Variants in PEAK1 observed in about 807,000 individuals in gnomAD.
The protein encoded by PEAK1 is pseudopodium enriched atypical kinase 1.
Under a neutral mutation model 124.7 loss-of-function variants are expected in PEAK1, and 54 were observed. That is an observed-to-expected ratio of 0.43 (90% confidence interval 0.35 to 0.54). The LOEUF (loss-of-function observed/expected upper bound fraction) is 0.54. Ranked by LOEUF, PEAK1 falls within the 20% of genes least tolerant of loss-of-function variation. The probability of loss-of-function intolerance (pLI) is 0.01; values close to 1 mark genes in which losing one functional copy is unlikely to be tolerated. For missense variants in PEAK1, 2,046 were observed against 2,134.5 expected, an observed-to-expected ratio of 0.96 and a Z score of 0.82; for synonymous variants, 719 against 760.0, an observed-to-expected ratio of 0.95 and a Z score of 0.89.
At position 77,133,304 on chromosome 15, in the gene PEAK1, G is replaced by A. The variant is rs2053036628; in HGVS notation, c.3778C>T (p.Pro1260Ser). The change falls in exon 9 of 10, where the codon CCC (proline) becomes TCC (serine). Residue 1260 changes from proline to serine, a missense_variant. Coordinates refer to ENST00000682557, the MANE Select transcript of PEAK1 (RefSeq NM_001385026.1). The surrounding 1 kb of genome is among the most constrained non-coding windows in gnomAD (Gnocchi z 4.2). ...SMESLSSRRG[P>S]SCRQGRGIQK... is the part of the protein sequence containing the mutation. ...ATGCCTCGGCCCTGTCTGCAAGAGGGCCCACGCCGGCTGGAGAGGGATTCC... is the reference window on the plus strand; with the variant it reads ...ATGCCTCGGCCCTGTCTGCAAGAGGACCCACGCCGGCTGGAGAGGGATTCC... 1 of 1,614,208 alleles carries A rather than the reference G, an allele frequency of 6.2e-7. No individual in the cohort carries two copies. Among genetic ancestry groups the A allele is most frequent in the Non-Finnish European group, 8.5e-7 (1 of 1,180,030 alleles).
chr15:77,402,865 C>A (rs1395560963), intron 1 of PEAK1: 1 of 985,090 alleles, frequency 1.0e-6, no homozygotes, highest in Non-Finnish European at 1.2e-6. Flanking sequence ...AATATCTAAA[C>A]TTTCAATTGC....
At chr15:77,253,409 C>A (rs2060976865) in intron 5 of PEAK1, among the ~76,000 whole-genome samples, 1 of 152,094 alleles carries the variant, frequency 6.6e-6, no homozygotes, top group African/African-American at 2.4e-5. Context: ...AAAAAGTCAG[C>A]TTTCTTTTAA....
At chr15:77,364,129 G>T (rs1471104959) in intron 2 of PEAK1, among the ~76,000 whole-genome samples, 1 of 152,164 alleles carries the variant, frequency 6.6e-6, no homozygotes, top group Non-Finnish European at 1.5e-5. Flanking sequence ...AACTCGGGAG[G>T]CAGAGGTTGC....
Position 77,108,326 on chromosome 15 carries a change from G to T in PEAK1, c.*5830C>A, listed in dbSNP as rs956801748. The T allele has an allele frequency of 1.3e-5, 2 of 152,296 alleles. No individual in the cohort carries two copies. Among genetic ancestry groups the T allele is most frequent in the African/African-American group, 4.8e-5 (2 of 41,560 alleles). The allele number at this position is 152,296 out of a possible 1,614,324, so 9.4% of individuals were successfully genotyped here. A position where few individuals can be genotyped will look rare whatever the true frequency, so the allele number is the denominator to read the frequency against. ...TATGTAAGTAGAGGGGTGAAGCTCCGGAAAGAGCAAAAACAAGATTTTCAA... is the reference window on the plus strand; with the variant it reads ...TATGTAAGTAGAGGGGTGAAGCTCCTGAAAGAGCAAAAACAAGATTTTCAA... On this transcript the variant is annotated 3_prime_UTR_variant, in exon 10 of 10. Coordinates refer to ENST00000682557, the MANE Select transcript of PEAK1 (RefSeq NM_001385026.1).
At chr15:77,202,781 T>C (rs1213138059) in intron 6 of PEAK1, among the ~76,000 whole-genome samples, 1 of 134,188 alleles carries the variant, frequency 7.5e-6, no homozygotes, top group Admixed American at 7.3e-5. Flanking sequence ...AAAAAAAAAA[T>C]GAAAATCATC....
intron 5 of PEAK1, among the ~76,000 whole-genome samples, chr15:77,271,673 T>C (rs1170571039): frequency 6.6e-6 from 1 of 152,060 alleles, no homozygotes; most frequent in Non-Finnish European, 1.5e-5. Flanking sequence ...CAGCAAACTA[T>C]CACAAGGACA....
Position 77,179,101 on chromosome 15 carries a change from G to T in PEAK1, c.2826C>A (p.Asp942Glu), listed in dbSNP as rs1299807685. Residue 942 changes from aspartate (D) to glutamate (E), a missense_variant, in exon 7 of 10, where the codon GAC becomes GAA. Physicochemically the swap from Asp to Glu is conservative, Grantham distance 45. Coordinates refer to ENST00000682557, the MANE Select transcript of PEAK1 (RefSeq NM_001385026.1). ...TCCCTTTCTCTCGCTCTTTCTCTTT[G>T]TCATCCTCCTCATCTGTTTTCCGAC... ...FRRRKTDEED[D>E]KEKEREKGKL... 6.2e-7 allele frequency: 1 copy of T among 1,614,024 alleles called. No individual in the cohort carries two copies. The highest frequency in any genetic ancestry group is 8.5e-7 in the Non-Finnish European group (1 of 1,180,044).
chr15:77,179,665 C>G lies in PEAK1; in HGVS notation c.2262G>C (p.Val754=). The G allele has an allele frequency of 6.2e-7, 1 of 1,614,118 alleles. No homozygotes were observed. Reference sequence around the variant, plus strand: ...CTTTCTCTCTGGTGCTGCTGCTGCCCACCATCTGAGACTCCTGAGTGCCTT... The same window carrying G: ...CTTTCTCTCTGGTGCTGCTGCTGCCGACCATCTGAGACTCCTGAGTGCCTT... ...KIEGTQESQM[V]GSSSTREKAS... Residue 754 remains valine, a synonymous_variant, in exon 7 of 10, where the codon GTG becomes GTC. Coordinates refer to ENST00000682557, the MANE Select transcript of PEAK1 (RefSeq NM_001385026.1).
At chr15:77,295,635 A>G (rs1412023783) in intron 2 of PEAK1, among the ~76,000 whole-genome samples, 13 of 152,244 alleles carry the variant, frequency 8.5e-5, no homozygotes, top group Admixed American at 8.5e-4. Context: ...ACTGTAGGCC[A>G]GTAAATTCCA....
At chr15:77,298,968 G>C (rs1384132514) in intron 2 of PEAK1, among the ~76,000 whole-genome samples, 1 of 152,168 alleles carries the variant, frequency 6.6e-6, no homozygotes, top group Admixed American at 6.5e-5. Flanking sequence ...ACAAAGTGGT[G>C]CTAGTTGGCC....
At chr15:77,265,168 G>C (rs1252787071) in intron 5 of PEAK1, among the ~76,000 whole-genome samples, 1 of 151,616 alleles carries the variant, frequency 6.6e-6, no homozygotes, top group Non-Finnish European at 1.5e-5. Context: ...GAAAACCCAG[G>C]CATTACCATT....
chr15:77,257,096 C>T (rs1481860945), intron 5 of PEAK1, among the ~76,000 whole-genome samples: 10 of 152,176 alleles, frequency 6.6e-5, no homozygotes, highest in East Asian at 1.9e-4. Context: ...ATGGTGCATA[C>T]GTGTCACATT....
intron 2 of PEAK1, among the ~76,000 whole-genome samples, chr15:77,323,269 G>A (rs1465347066): frequency 6.6e-6 from 1 of 152,008 alleles, no homozygotes; most frequent in Non-Finnish European, 1.5e-5. Flanking sequence ...CATAGTGTTG[G>A]AAGTTCTGGC....
intron 8 of PEAK1, chr15:77,157,996 T>C (rs1160909376): frequency 1.9e-5 from 3 of 154,202 alleles, no homozygotes; most frequent in Admixed American, 6.4e-5. Flanking sequence ...TGACACTGGC[T>C]AACTCTCCAC....
At chr15:77,176,322 C>CAA (rs34377844) in intron 7 of PEAK1, among the ~76,000 whole-genome samples, 45 of 140,024 alleles carry the variant, frequency 3.2e-4, no homozygotes, top group Middle Eastern at 3.7e-3. Flanking sequence ...TTACATTTTT[C>CAA]AAAAAAAAAA....
At chr15:77,271,069 C>A (rs969836844) in intron 5 of PEAK1, among the ~76,000 whole-genome samples, 3 of 151,978 alleles carry the variant, frequency 2.0e-5, no homozygotes, top group African/African-American at 7.3e-5. Context: ...ACAATGAACT[C>A]AAACAAATTT....
In PEAK1 at chr15:77,379,511, T is replaced by C. The variant is rs79840939; in HGVS notation, c.-665-14286A>G. ...TACCCTCTGGGAAGAACGGTATACA[T>C]GGAGGGAAGCCATTTTCTAGCTGGA... On this transcript the variant is annotated intron_variant, in intron 1 of 9. Transcript: ENST00000682557. Among the ~76,000 whole-genome samples, 653 of 152,266 alleles carry C rather than the reference T, an allele frequency of 4.3e-3. 1 individual carries two copies. The highest frequency in any genetic ancestry group is 0.013 in the African/African-American group (557 of 41,558).
chr15:77,323,865 G>A (rs538398390), intron 2 of PEAK1, among the ~76,000 whole-genome samples: 138 of 152,188 alleles, frequency 9.1e-4, no homozygotes, highest in Non-Finnish European at 1.6e-3. Context: ...GAGGCATCAC[G>A]CTACCTGACT....
At chr15:77,383,210 G>A (rs2069634455) in intron 1 of PEAK1, among the ~76,000 whole-genome samples, 1 of 151,926 alleles carries the variant, frequency 6.6e-6, no homozygotes, top group Non-Finnish European at 1.5e-5. Flanking sequence ...ATTTTTAGTA[G>A]AGATGGGGTT....
Sources: gnomAD v4.1 joint callset for allele counts (sites outside exome capture counted in the v4.1 genomes callset) on GRCh38, gnomAD v4.1.1 for gene constraint, Gnocchi (gnomAD v3.1) non-coding constraint, MANE v1.5 for transcripts, NCBI Gene and HGNC (gene_info 2026-07-23, HGNC 2026-07-21) for gene names.